RANBP2: variants seen among roughly 807,000 people sequenced by gnomAD.
RANBP2 encodes the protein E3 SUMO-protein ligase RanBP2.
In RANBP2, 57 loss-of-function variants were observed where a neutral mutation model predicts 303.6. The ratio of observed to expected loss-of-function variants is 0.19; its 90% CI spans 0.15 to 0.23. The LOEUF (loss-of-function observed/expected upper bound fraction) is 0.23. Ranked by LOEUF, RANBP2 falls within the 10% of genes least tolerant of loss-of-function variation. The pLI, the probability that RANBP2 is intolerant of heterozygous loss-of-function variation, is 1.00. For missense variants in RANBP2, 3,138 were observed against 3,780.8 expected (o/e 0.83, Z 4.46); for synonymous variants, 1,167 against 1,301.5 (o/e 0.90, Z 2.23).
chr2:108,835,296 A>C, the RANBP2 span, among the ~76,000 whole-genome samples: 257 of 152,312 alleles, frequency 1.7e-3, no homozygotes, highest in African/African-American at 6.0e-3. Flanking sequence ...AATTTCCAAA[A>C]CTGTTCAATG....
the RANBP2 span, chr2:109,794,507 G>C: frequency 2.0e-6 from 1 of 507,970 alleles, no homozygotes; most frequent in African/African-American, 8.7e-5. Flanking sequence ...ACGTCGCCTC[G>C]GTGCTGGGTC....
chr2:109,257,166 T>C, the RANBP2 span, among the ~76,000 whole-genome samples: 4 of 152,342 alleles, frequency 2.6e-5, no homozygotes, highest in South Asian at 8.3e-4. Context: ...CCTGGAAAAG[T>C]GCCCACTGGG....
downstream of RANBP2, chr2:108,789,050 G>C: frequency 6.8e-7 from 1 of 1,467,622 alleles, no homozygotes; most frequent in South Asian, 1.2e-5. Context: ...TTATATTTTT[G>C]CTCTTTCCTG....
At chr2:109,283,797 GTGTT>G in the RANBP2 span, among the ~76,000 whole-genome samples, 1 of 152,202 alleles carries the variant, frequency 6.6e-6, no homozygotes, top group Non-Finnish European at 1.5e-5. Flanking sequence ...CTGGCTCCTT[GTGTT>G]TGTTCTCTCT....
chr2:109,552,593 T>A, the RANBP2 span: 1 of 157,152 alleles, frequency 6.4e-6, no homozygotes. Context: ...ATACACTGTG[T>A]TGCCACTGTG....
the RANBP2 span, among the ~76,000 whole-genome samples, chr2:109,743,187 C>T: frequency 6.8e-6 from 1 of 147,968 alleles, no homozygotes; most frequent in Non-Finnish European, 1.5e-5. Flanking sequence ...GGGAGGATGG[C>T]TTGAACCTGG....
chr2:109,658,955 C>T, the RANBP2 span, among the ~76,000 whole-genome samples: 2 of 152,112 alleles, frequency 1.3e-5, no homozygotes, highest in Non-Finnish European at 2.9e-5. Flanking sequence ...ATCCCAGCTG[C>T]TTGGGAGTCT....
the RANBP2 span, among the ~76,000 whole-genome samples, chr2:108,919,097 G>GGC: frequency 6.6e-6 from 1 of 152,180 alleles, no homozygotes; most frequent in Admixed American, 6.5e-5. Flanking sequence ...AGGTCTGAGA[G>GGC]GCTCTGAGCC....
At chr2:109,248,919 C>A in the RANBP2 span, among the ~76,000 whole-genome samples, 29 of 151,126 alleles carry the variant, frequency 1.9e-4, no homozygotes, top group African/African-American at 6.8e-4. Context: ...CCTGTCCTGT[C>A]CTGTCCTGTC....
At chr2:109,155,501 C>T in the RANBP2 span, among the ~76,000 whole-genome samples, 3 of 152,102 alleles carry the variant, frequency 2.0e-5, no homozygotes, top group Admixed American at 6.5e-5. Flanking sequence ...TGGGGTTTCA[C>T]GGTGTTAGCC....
At chr2:108,839,450 G>T in the RANBP2 span, 1 of 595,788 alleles carries the variant, frequency 1.7e-6, no homozygotes, top group Non-Finnish European at 2.7e-6. Context: ...GATAGGAATT[G>T]TGTTAAACCT....
At chr2:108,997,242 C>G in the RANBP2 span, among the ~76,000 whole-genome samples, 1 of 151,766 alleles carries the variant, frequency 6.6e-6, no homozygotes, top group Non-Finnish European at 1.5e-5. Flanking sequence ...GAGATCGAGA[C>G]CAACCTGGCT....
At chr2:109,093,406 TAAAAA>T in the RANBP2 span, among the ~76,000 whole-genome samples, 2 of 90,698 alleles carry the variant, frequency 2.2e-5, no homozygotes, top group East Asian at 3.1e-4. Flanking sequence ...CGGAGATTTG[TAAAAA>T]AAAAAAAAAA....
the RANBP2 span, among the ~76,000 whole-genome samples, chr2:109,521,154 C>T: frequency 6.7e-6 from 1 of 150,306 alleles, no homozygotes; most frequent in East Asian, 2.0e-4. Flanking sequence ...GGAGGCGGAG[C>T]TTGCAGTGAG....
chr2:108,814,761 G>A, the RANBP2 span, among the ~76,000 whole-genome samples: 1,874 of 150,120 alleles, frequency 0.012, 49 homozygotes, highest in African/African-American at 0.044. Flanking sequence ...CAAGCCTCCC[G>A]AAGAGATGGG....
the RANBP2 span, among the ~76,000 whole-genome samples, chr2:109,774,550 AAT>A: frequency 2.3e-4 from 23 of 98,928 alleles, 1 homozygote; most frequent in African/African-American, 6.2e-4. Context: ...AAATATATAT[AAT>A]ATATATATGT....
chr2:109,563,824 T>C, the RANBP2 span, among the ~76,000 whole-genome samples: 6 of 152,314 alleles, frequency 3.9e-5, 1 homozygote, highest in African/African-American at 1.4e-4. Context: ...TTAGTTTATT[T>C]TAAATGATTC....
At chr2:109,323,539 G>C in the RANBP2 span, among the ~76,000 whole-genome samples, 11 of 152,234 alleles carry the variant, frequency 7.2e-5, no homozygotes, top group African/African-American at 2.7e-4. Context: ...TGTAGGTAGT[G>C]GTAGATGGGG....
chr2:109,133,978 A>G, the RANBP2 span, among the ~76,000 whole-genome samples: 1 of 152,156 alleles, frequency 6.6e-6, no homozygotes, highest in Non-Finnish European at 1.5e-5. Flanking sequence ...CTGGTCAGCT[A>G]GTGGAGGCCA....
Sources: gnomAD v4.1 joint callset for allele counts (sites outside exome capture counted in the v4.1 genomes callset) on GRCh38, gnomAD v4.1.1 for gene constraint, MANE v1.5 for transcripts, NCBI Gene and HGNC (gene_info 2026-07-23, HGNC 2026-07-21) for gene names.